Variants in BLNK observed in about 807,000 individuals in gnomAD.
The protein encoded by BLNK is B cell linker.
A neutral mutation model predicts 73.5 loss-of-function variants in BLNK; 29 were observed. The ratio of observed to expected loss-of-function variants is 0.39; its 90% CI spans 0.29 to 0.54. The LOEUF is 0.54. Among genes scored for constraint, BLNK ranks in the 20% least tolerant of loss-of-function variants. The pLI is 0.61. For missense variants in BLNK, 460 were observed against 562.8 expected (o/e 0.82, Z 1.85); for synonymous variants, 176 against 200.8 (o/e 0.88, Z 1.04).
intron 8 of BLNK, among the ~76,000 whole-genome samples, chr10:96,211,766 T>G (rs1360428182): frequency 1.3e-5 from 2 of 152,214 alleles, no homozygotes; most frequent in Non-Finnish European, 2.9e-5. Context: ...ATGAAAACAA[T>G]AAACTGAAAT....
At chr10:96,250,411 A>G (rs974411951) in intron 1 of BLNK, among the ~76,000 whole-genome samples, 6 of 130,186 alleles carry the variant, frequency 4.6e-5, no homozygotes, top group Non-Finnish European at 1.1e-4. Context: ...ACAGAGAGAG[A>G]GGGGGAGAGA....
intron 3 of BLNK, among the ~76,000 whole-genome samples, chr10:96,238,241 G>A (rs1425767421): frequency 6.6e-6 from 1 of 152,192 alleles, no homozygotes; most frequent in Non-Finnish European, 1.5e-5. Flanking sequence ...AAGAGGGTAT[G>A]GTGACTCTTT....
chr10:96,255,902 C>T (rs148563680), intron 1 of BLNK, among the ~76,000 whole-genome samples: 1 of 152,340 alleles, frequency 6.6e-6, no homozygotes, highest in African/African-American at 2.4e-5. Flanking sequence ...CCGGTATCTA[C>T]TGAATCAAGC....
intron 2 of BLNK, among the ~76,000 whole-genome samples, chr10:96,243,129 G>C (rs3789928): frequency 0.33 from 50,138 of 152,032 alleles, 8,453 homozygotes; most frequent in South Asian, 0.46. Flanking sequence ...GGTAAGTGTT[G>C]ATAAGAAGGT....
At chr10:96,253,011 T>C (rs1843353778) in intron 1 of BLNK, among the ~76,000 whole-genome samples, 1 of 152,182 alleles carries the variant, frequency 6.6e-6, no homozygotes, top group African/African-American at 2.4e-5. Context: ...TACTGTGATG[T>C]TTCCTGTCTT....
Position 96,191,235 on chromosome 10 carries a change from CTTT to C in BLNK, c.*735_*737del, listed in dbSNP as rs34920263. Among the ~76,000 whole-genome samples, 7,408 of 130,208 alleles carry C rather than the reference CTTT, an allele frequency of 0.057. 223 individuals are homozygous for C. Among genetic ancestry groups the C allele is most frequent in the Middle Eastern group, 0.083 (20 of 242 alleles). 85.4% of individuals were successfully genotyped at this position (130,208 alleles called of 152,430 possible). A position where few individuals can be genotyped will look rare whatever the true frequency, so the allele number is the denominator to read the frequency against. ...GTGGAACTGTGAGTCCATTAAACCTCTTTTTTTTTTTTTTTTTTTATGTAAATC... is the reference window on the plus strand; with the variant it reads ...GTGGAACTGTGAGTCCATTAAACCTCTTTTTTTTTTTTTTTTATGTAAATC... On this transcript the variant is annotated 3_prime_UTR_variant, in exon 17 of 17. Transcript: ENST00000224337.
Position 96,192,016 on chromosome 10 carries a change from G to C in BLNK, c.1328C>G (p.Thr443Arg). The change falls in exon 17 of 17, where the codon ACA (threonine) becomes AGA (arginine). Residue 443 changes from threonine to arginine, a missense_variant. Around this residue, in one of 3 missense-constraint regions of BLNK, gnomAD observed 88 missense variants for 143.4 expected, o/e 0.61. Transcript: ENST00000224337. ...PLVLIDSQNN[T>R]KDSTRLKYAV... is the part of the protein sequence containing the mutation. ...ATACTTCAGTCTGGTGGAATCTTTT[G>C]TGTTATTCTGACTGTCAATAAGAAC... The C allele has an allele frequency of 6.2e-7, 1 of 1,613,604 alleles. No individual in the cohort carries two copies. The highest frequency in any genetic ancestry group is 8.5e-7 in the Non-Finnish European group (1 of 1,179,744).
rs558343666 is a variant in BLNK, at chr10:96,255,814, T to C, written c.48-8765A>G. 3.3e-5 allele frequency among the ~76,000 whole-genome samples: 5 copies of C among 152,154 alleles called. No homozygotes were observed. The South Asian group carries it at 1.0e-3, about 32-fold the overall frequency. Reference sequence around the variant, plus strand: ...CCCTCCCATCCATGCTGTGAGGGCTTGTTAGGGCCTCTTTCAGCAAATGTT... The same window carrying C: ...CCCTCCCATCCATGCTGTGAGGGCTCGTTAGGGCCTCTTTCAGCAAATGTT... On this transcript the variant is annotated intron_variant, in intron 1 of 16. Transcript: ENST00000224337.
intron 3 of BLNK, among the ~76,000 whole-genome samples, chr10:96,233,213 A>G (rs914327777): frequency 5.9e-5 from 9 of 152,300 alleles, no homozygotes; most frequent in Admixed American, 2.0e-4. Context: ...AAATGCCTTT[A>G]TGAAACCCAC....
Position 96,200,306 on chromosome 10 carries a change from A to C in BLNK, c.1012-148T>G. 1.6e-6 allele frequency: 1 copy of C among 638,848 alleles called. No individual in the cohort carries two copies. Among genetic ancestry groups the C allele is most frequent in the Non-Finnish European group, 2.8e-6 (1 of 356,266 alleles). 39.6% of individuals were successfully genotyped at this position (638,848 alleles called of 1,614,324 possible). A position where few individuals can be genotyped will look rare whatever the true frequency, so the allele number is the denominator to read the frequency against. On this transcript the variant is annotated intron_variant, in intron 14 of 16. Transcript: ENST00000224337. The surrounding 1 kb of genome is among the most constrained non-coding windows in gnomAD (Gnocchi z 4.3). Reference sequence around the variant, plus strand: ...TAAGATGAGTTTTATTTTTCCTTTGATCAAACACAAGGATTATACCGTTAA... The same window carrying C: ...TAAGATGAGTTTTATTTTTCCTTTGCTCAAACACAAGGATTATACCGTTAA...
intron 1 of BLNK, among the ~76,000 whole-genome samples, chr10:96,248,085 A>G (rs1843124399): frequency 6.6e-6 from 1 of 152,222 alleles, no homozygotes; most frequent in Non-Finnish European, 1.5e-5. Flanking sequence ...AACAATATGT[A>G]TCAAGACCCT....
At chr10:96,241,271 A>G (rs1842872428) in intron 3 of BLNK, among the ~76,000 whole-genome samples, 1 of 152,266 alleles carries the variant, frequency 6.6e-6, no homozygotes, top group Admixed American at 6.5e-5. Context: ...TGCCCTGTTG[A>G]GAATCATCAA....
At chr10:96,271,282 T>G in intron 1 of BLNK, 70 bp downstream of exon 1, 3 of 1,530,758 alleles carry the variant, frequency 2.0e-6, no homozygotes, top group Non-Finnish European at 2.7e-6. Context: ...TCAGTATTTC[T>G]GAGATGCCAT....
chr10:96,211,130 C>T (rs1300837952), intron 8 of BLNK, among the ~76,000 whole-genome samples: 1 of 152,130 alleles, frequency 6.6e-6, no homozygotes, highest in Non-Finnish European at 1.5e-5. Context: ...TCCCAAAGTG[C>T]TGGGATTACA....
Position 96,190,186 on chromosome 10 carries a change from G to C in BLNK, c.*1787C>G. ...ACTGAAAAGATAGTTCTGGGCCTCA[G>C]GGGGCTCACGTCCATGTCCATCGAA... On this transcript the variant is annotated 3_prime_UTR_variant, in exon 17 of 17. Coordinates refer to ENST00000224337, the MANE Select transcript of BLNK (RefSeq NM_013314.4). 1.3e-6 allele frequency: 1 copy of C among 793,962 alleles called. No homozygotes were observed. The highest frequency in any genetic ancestry group is 2.4e-5 in the East Asian group (1 of 40,824). 49.2% of individuals were successfully genotyped at this position (793,962 alleles called of 1,614,324 possible).
chr10:96,221,647 C>G (rs781848923), intron 6 of BLNK, among the ~76,000 whole-genome samples: 1 of 152,124 alleles, frequency 6.6e-6, no homozygotes, highest in Non-Finnish European at 1.5e-5. Flanking sequence ...AAATGAAGAG[C>G]CTTACATAAC....
At chr10:96,268,343 A>G (rs1844109374) in intron 1 of BLNK, among the ~76,000 whole-genome samples, 1 of 152,238 alleles carries the variant, frequency 6.6e-6, no homozygotes, top group Admixed American at 6.5e-5. Flanking sequence ...TTATGATCAT[A>G]GGAATGTTTA....
Position 96,215,305 on chromosome 10 carries a change from C to T in BLNK, c.676+16G>A. 1 of 1,612,898 alleles carries T rather than the reference C, an allele frequency of 6.2e-7. No homozygotes were observed. Among genetic ancestry groups the T allele is most frequent in the African/African-American group, 1.3e-5 (1 of 74,996 alleles). On this transcript the variant is annotated intron_variant, in intron 8 of 16. Coordinates refer to ENST00000224337, the MANE Select transcript of BLNK (RefSeq NM_013314.4). ...AAATAGACGTAAAACCAAACCAAAT[C>T]ACACATACACTTTACCTGAAGCTGT...
intron 8 of BLNK, among the ~76,000 whole-genome samples, chr10:96,212,293 T>G (rs1353443814): frequency 1.2e-4 from 18 of 152,182 alleles, no homozygotes; most frequent in African/African-American, 4.1e-4. Flanking sequence ...TGATAATATC[T>G]GCCAGAATGG....
Sources: gnomAD v4.1 joint callset for allele counts (sites outside exome capture counted in the v4.1 genomes callset) on GRCh38, gnomAD v4.1.1 for gene constraint, gnomAD v4.1.1 regional missense constraint, Gnocchi (gnomAD v3.1) non-coding constraint, MANE v1.5 for transcripts, NCBI Gene and HGNC (gene_info 2026-07-23, HGNC 2026-07-21) for gene names.